Variants in ADAMTSL1 observed in about 807,000 individuals in gnomAD.
The protein encoded by ADAMTSL1 is ADAMTS like 1.
In ADAMTSL1, 126 loss-of-function variants were observed where a neutral mutation model predicts 201.8. That is an observed-to-expected ratio of 0.62 (90% CI 0.54 to 0.72). The LOEUF (loss-of-function observed/expected upper bound fraction) is 0.72, where lower values mean the gene tolerates loss of function less well. Ranked by LOEUF, ADAMTSL1 falls within the 30% of genes least tolerant of loss-of-function variation. The pLI, the probability that ADAMTSL1 is intolerant of heterozygous loss-of-function variation, is 0.00. For synonymous variants in ADAMTSL1, 1,121 were observed against 903.4 expected, an observed-to-expected ratio of 1.24 and a Z score of -4.32; for missense variants, 2,679 against 2,277.8, an observed-to-expected ratio of 1.18 and a Z score of -3.59.
intron 2 of ADAMTSL1, among the ~76,000 whole-genome samples, chr9:18,202,725 T>A (rs1486198531): frequency 6.6e-6 from 1 of 152,184 alleles, no homozygotes; most frequent in Admixed American, 6.6e-5. Flanking sequence ...TATGCTTCTC[T>A]CTTCAAGGCT....
rs887064233 is a variant in ADAMTSL1 at position 18,643,123 on chromosome 9, A to G, written c.834+3712A>G. On this transcript the variant is annotated intron_variant, in intron 7 of 28. Coordinates refer to ENST00000380548, the MANE Select transcript of ADAMTSL1 (RefSeq NM_001040272.6). ...TTGTCTTTTTGATAACAGCAATTCT[A>G]TAAGGTGTAAGGTGATATTATAGTA... Among the ~76,000 whole-genome samples, 31 of 152,092 alleles carry G rather than the reference A, an allele frequency of 2.0e-4. 1 individual carries two copies. The highest frequency in any genetic ancestry group is 7.5e-4 in the African/African-American group (31 of 41,534).
chr9:18,621,956 C>G (rs1400066906), intron 4 of ADAMTSL1, among the ~76,000 whole-genome samples: 1 of 152,166 alleles, frequency 6.6e-6, no homozygotes, highest in Non-Finnish European at 1.5e-5. Context: ...TCTCATCTCT[C>G]TTACTTTCTC....
rs116129904 is a variant in ADAMTSL1, at chr9:18,483,215, A to C, written c.63+8920A>C. Among the ~76,000 whole-genome samples, 1,393 of 152,328 alleles carry C rather than the reference A, an allele frequency of 9.1e-3. 25 individuals carry two copies. The highest frequency in any genetic ancestry group is 0.032 in the African/African-American group (1,319 of 41,554). On this transcript the variant is annotated intron_variant, in intron 1 of 28. Coordinates refer to ENST00000380548, the MANE Select transcript of ADAMTSL1 (RefSeq NM_001040272.6). The stretch of plus-strand genomic sequence containing the variant: ...AGTGTTTGATGTGTTTGTTTGAATA[A>C]ATTAATTAGTTGCCTATTCCAGCCC...
At chr9:18,818,522 T>G (rs1824005178) in intron 21 of ADAMTSL1, among the ~76,000 whole-genome samples, 1 of 152,240 alleles carries the variant, frequency 6.6e-6, no homozygotes, top group African/African-American at 2.4e-5. Flanking sequence ...CCAGACCTGG[T>G]GGCTCACGCC....
chr9:18,477,420 A>G (rs1821508096), intron 1 of ADAMTSL1, among the ~76,000 whole-genome samples: 1 of 152,194 alleles, frequency 6.6e-6, no homozygotes, highest in Admixed American at 6.5e-5. Flanking sequence ...CTAGTCAAAC[A>G]CAATAGCCCA....
intron 2 of ADAMTSL1, 88 bp from the exon 3 acceptor site, chr9:18,533,159 G>A: frequency 9.2e-7 from 1 of 1,092,136 alleles, no homozygotes; most frequent in Non-Finnish European, 1.3e-6. Context: ...CCTTTTACTA[G>A]TATTTAGAGC....
At chr9:18,236,815 G>A (rs1052750958) in intron 2 of ADAMTSL1, among the ~76,000 whole-genome samples, 2 of 152,114 alleles carry the variant, frequency 1.3e-5, no homozygotes, top group Non-Finnish European at 2.9e-5. Flanking sequence ...AATTGATATT[G>A]TTTACATTCC....
At chr9:18,662,149 C>G in intron 9 of ADAMTSL1, 76 bp downstream of exon 9, 5 of 1,509,696 alleles carry the variant, frequency 3.3e-6, no homozygotes, top group Non-Finnish European at 4.5e-6. Context: ...TAAAATGAAA[C>G]GTTTTAATTA....
chr9:18,157,025 T>A (rs1827186654), intron 1 of ADAMTSL1, among the ~76,000 whole-genome samples: 1 of 152,180 alleles, frequency 6.6e-6, no homozygotes, highest in African/African-American at 2.4e-5. Flanking sequence ...TCAAAACCCA[T>A]GTTCTCTCTA....
intron 3 of ADAMTSL1, among the ~76,000 whole-genome samples, chr9:18,552,717 T>C (rs1184241596): frequency 2.0e-5 from 3 of 151,770 alleles, no homozygotes; most frequent in South Asian, 2.1e-4. Flanking sequence ...TAGGTAGATA[T>C]ACATTTAAAA....
chr9:18,344,099 A>G (rs953397238), intron 2 of ADAMTSL1, among the ~76,000 whole-genome samples: 7 of 152,174 alleles, frequency 4.6e-5, no homozygotes, highest in Admixed American at 3.9e-4. Context: ...TATGCAGTCC[A>G]GGTCTCACTT....
chr9:18,902,371 T>G (rs1830062590), intron 26 of ADAMTSL1, among the ~76,000 whole-genome samples: 1 of 152,152 alleles, frequency 6.6e-6, no homozygotes, highest in Admixed American at 6.5e-5. Flanking sequence ...AAAAAATAAT[T>G]CTTAATACAG....
chr9:18,692,959 C>A (rs486145), intron 13 of ADAMTSL1, among the ~76,000 whole-genome samples: 27,064 of 152,182 alleles, frequency 0.18, 2,587 homozygotes, highest in East Asian at 0.31. Context: ...AAACAAGTGT[C>A]ATATCCTCAC....
chr9:18,481,878 G>C (rs1821746030), intron 1 of ADAMTSL1, among the ~76,000 whole-genome samples: 1 of 152,120 alleles, frequency 6.6e-6, no homozygotes, highest in African/African-American at 2.4e-5. Context: ...ACCATTATGT[G>C]TGACCAATGT....
intron 2 of ADAMTSL1, among the ~76,000 whole-genome samples, chr9:18,165,097 A>G (rs375491666): frequency 6.6e-6 from 1 of 151,400 alleles, no homozygotes; most frequent in African/African-American, 2.4e-5. Flanking sequence ...TAAATTTTCT[A>G]TGTTTGTTTA....
intron 2 of ADAMTSL1, among the ~76,000 whole-genome samples, chr9:18,443,885 G>T (rs1820091037): frequency 6.6e-6 from 1 of 152,154 alleles, no homozygotes; most frequent in African/African-American, 2.4e-5. Context: ...AACAGAAATG[G>T]ACCTAAACCA....
At chr9:18,723,359 C>T (rs1273924812) in intron 15 of ADAMTSL1, 1 of 469,462 alleles carries the variant, frequency 2.1e-6, no homozygotes, top group Non-Finnish European at 3.9e-6. Context: ...GTTGTAACAA[C>T]ACCCAAATGC....
At position 18,115,861 on chromosome 9, in the gene ADAMTSL1, C is replaced by A. The variant is rs142558270; in HGVS notation, c.88-48001C>A. Among the ~76,000 whole-genome samples the A allele has an allele frequency of 7.6e-3, 1,158 of 152,226 alleles. 9 individuals carry two copies. Among genetic ancestry groups the A allele is most frequent in the South Asian group, 0.023 (111 of 4,820 alleles). ...CTACAAAGTTTATGCTTTTAGCTAC[C>A]ATGCATGTTTCCCTTCATAAAGGAA... On this transcript the variant is annotated intron_variant, in intron 1 of 29. Coordinates refer to the ADAMTSL1 transcript ENST00000680146.
intron 2 of ADAMTSL1, among the ~76,000 whole-genome samples, chr9:18,348,866 A>G (rs1225622666): frequency 1.3e-5 from 2 of 152,230 alleles, no homozygotes; most frequent in Non-Finnish European, 2.9e-5. Flanking sequence ...TTACAGTGAT[A>G]TAAAACATAA....
Sources: allele counts gnomAD v4.1 joint callset (sites outside exome capture counted in the v4.1 genomes callset), GRCh38; gene constraint gnomAD v4.1.1; transcripts MANE v1.5; gene names NCBI Gene and HGNC (gene_info 2026-07-23, HGNC 2026-07-21).